The following MYT1 variants were observed in gnomAD, a reference collection of about 807,000 sequenced individuals.
MYT1 encodes the protein myelin transcription factor 1.
MYT1 carries 23 observed loss-of-function variants against 123.0 expected under a neutral mutation model. The observed-to-expected ratio is 0.19, with a 90% CI of 0.13 to 0.26. MYT1 has a LOEUF of 0.26. Ranked by LOEUF, MYT1 falls within the 10% of genes least tolerant of loss-of-function variation. The pLI, the probability that MYT1 is intolerant of heterozygous loss-of-function variation, is 1.00. For missense variants in MYT1, 1,125 were observed against 1,472.5 expected, an observed-to-expected ratio of 0.76 and a Z score of 3.86; for synonymous variants, 518 against 575.3, an observed-to-expected ratio of 0.90 and a Z score of 1.43.
Position 64,193,052 on chromosome 20 carries a change from C to T in MYT1, c.-1+2892C>T, listed in dbSNP as rs1255619871. Among the ~76,000 whole-genome samples the T allele has an allele frequency of 2.0e-5, 3 of 152,308 alleles. No homozygotes were observed. Among genetic ancestry groups the T allele is most frequent in the Admixed American group, 6.5e-5 (1 of 15,302 alleles). The stretch of plus-strand genomic sequence containing the variant: ...CTCAGACATGTGTTAAATAATGCCC[C>T]ATGGAGGTGTCCTTTCTATACCCCA... On this transcript the variant is annotated intron_variant, in intron 2 of 22. Coordinates refer to ENST00000328439, the MANE Select transcript of MYT1 (RefSeq NM_004535.3). This position sits in a 1 kb window ranked among gnomAD's most constrained non-coding sequence, Gnocchi z 4.0.
chr20:64,198,227 C>T (rs1983185191), intron 2 of MYT1, among the ~76,000 whole-genome samples: 1 of 138,132 alleles, frequency 7.2e-6, no homozygotes, highest in African/African-American at 2.8e-5. Flanking sequence ...GCGGAGCTTG[C>T]AGTGAGCCGA....
chr20:64,221,711 G>C (rs562043651), intron 13 of MYT1, among the ~76,000 whole-genome samples, 182 bp from the exon 14 acceptor site: 2 of 152,166 alleles, frequency 1.3e-5, no homozygotes, highest in Non-Finnish European at 2.9e-5. Flanking sequence ...CCCCTCAGGG[G>C]TGTTGTCTTC....
chr20:64,198,886 C>T lies in MYT1; in HGVS notation c.25C>T (p.Arg9Ter). The change falls in exon 3 of 23, where the codon CGA becomes TGA. Residue 9 changes from arginine (R) to a stop codon, truncating the protein, a stop_gained. Transcript: ENST00000328439. LOFTEE classifies it high-confidence loss of function. Reference protein sequence around the residue: MSLENEDKRARTRSKALRG... With the variant: MSLENEDK ...GATGAGCTTAGAAAATGAAGACAAG[C>T]GAGCTCGCACCCGATCCAAGGCCCT... 1 of 1,614,128 alleles carries T rather than the reference C, an allele frequency of 6.2e-7. No individual in the cohort carries two copies. The highest frequency in any genetic ancestry group is 8.5e-7 in the Non-Finnish European group (1 of 1,180,014).
rs370145799 is a variant in MYT1, at chr20:64,168,930, A to G, written c.-99+4191A>G. On this transcript the variant is annotated intron_variant, in intron 1 of 22. Coordinates refer to ENST00000328439, the MANE Select transcript of MYT1 (RefSeq NM_004535.3). The surrounding 1 kb of genome is among the most constrained non-coding windows in gnomAD (Gnocchi z 6.1). ...GCTGACAGATGAGCCTGCTGGCCCC[A>G]CCTCTCTCTCACGCCTGGCTTCACA... 1.3e-4 allele frequency among the ~76,000 whole-genome samples: 20 copies of G among 151,812 alleles called. No individual in the cohort carries two copies. The highest frequency in any genetic ancestry group is 4.6e-4 in the African/African-American group (19 of 41,294).
At chr20:64,215,213 T>C (rs1983801693) in intron 10 of MYT1, among the ~76,000 whole-genome samples, 1 of 152,234 alleles carries the variant, frequency 6.6e-6, no homozygotes, top group South Asian at 2.1e-4. Context: ...GGCCCCCGTG[T>C]GAGGCCAGGC....
intron 19 of MYT1, among the ~76,000 whole-genome samples, chr20:64,235,972 ATGGCCGCGGTGGGTGACCCTGGGC>A (rs1568722909): frequency 1.7e-5 from 1 of 60,568 alleles, no homozygotes; most frequent in Non-Finnish European, 3.3e-5. Context: ...TGACCCTGGG[ATGGCCGCGGTGGGTGACCCTGGGC>A]TGGCCGCGGT....
At chr20:64,184,490 C>T (rs1050521554) in intron 1 of MYT1, among the ~76,000 whole-genome samples, 7 of 152,042 alleles carry the variant, frequency 4.6e-5, no homozygotes, top group African/African-American at 1.5e-4. Context: ...ATCCATATGC[C>T]CGTCCTGATG....
chr20:64,238,209 T>G (rs1016246193), intron 21 of MYT1, among the ~76,000 whole-genome samples: 19 of 152,128 alleles, frequency 1.2e-4, no homozygotes, highest in African/African-American at 4.3e-4. Flanking sequence ...GAGACATAAC[T>G]GTGCCCCTAA....
At position 64,202,612 on chromosome 20, in the gene MYT1, G is replaced by GAAGGCAGGT. The variant is rs1199559592; in HGVS notation, c.87-2416_87-2415insGTAAGGCAG. 2.6e-5 allele frequency among the ~76,000 whole-genome samples: 4 copies of GAAGGCAGGT among 152,156 alleles called. No individual in the cohort carries two copies. The highest frequency in any genetic ancestry group is 9.7e-5 in the African/African-American group (4 of 41,438). On this transcript the variant is annotated intron_variant, in intron 4 of 22. Transcript: ENST00000328439. The surrounding 1 kb of genome is among the most constrained non-coding windows in gnomAD (Gnocchi z 5.0). ...CCCCAGGAGAGGGAGGGAAGGCAGG[G>GAAGGCAGGT]AAGGCAGTGTCTTCAAAGGCTAGTA...
rs1057411072 is a variant in MYT1 at position 64,203,992 on chromosome 20, C to T, written c.87-1043C>T. On this transcript the variant is annotated intron_variant, in intron 4 of 22. Transcript: ENST00000328439. This position sits in a 1 kb window ranked among gnomAD's most constrained non-coding sequence, Gnocchi z 5.1. The stretch of plus-strand genomic sequence containing the variant: ...CTTGGCCAGGAAAGCCTCTCTCTTC[C>T]CACAAGGAGCGCAGGCCTGCCCCTC... 8.5e-5 allele frequency among the ~76,000 whole-genome samples: 13 copies of T among 152,232 alleles called. No homozygotes were observed. Among genetic ancestry groups the T allele is most frequent in the African/African-American group, 3.1e-4 (13 of 41,472 alleles).
rs1376334779 is a variant in MYT1 at position 64,202,696 on chromosome 20, C to T, written c.87-2339C>T. On this transcript the variant is annotated intron_variant, in intron 4 of 22. Transcript: ENST00000328439. This position sits in a 1 kb window ranked among gnomAD's most constrained non-coding sequence, Gnocchi z 5.0. ...TCCTCTCCTGACTTGTCTCCTTTGACGCCTACTTTTCAAGTTTGGGTCCCT... is the reference window on the plus strand; with the variant it reads ...TCCTCTCCTGACTTGTCTCCTTTGATGCCTACTTTTCAAGTTTGGGTCCCT... Among the ~76,000 whole-genome samples the T allele has an allele frequency of 3.9e-5, 6 of 152,162 alleles. No individual in the cohort carries two copies. The highest frequency in any genetic ancestry group is 1.3e-4 in the Admixed American group (2 of 15,278).
At chr20:64,201,414 G>A (rs888409127) in intron 4 of MYT1, among the ~76,000 whole-genome samples, 9 of 152,324 alleles carry the variant, frequency 5.9e-5, no homozygotes, top group Admixed American at 2.0e-4. Flanking sequence ...TAGGGGAAAT[G>A]TGTTGACATC....
Position 64,193,371 on chromosome 20 carries a change from A to G in MYT1, c.-1+3211A>G, listed in dbSNP as rs990912542. Among the ~76,000 whole-genome samples the G allele has an allele frequency of 6.6e-6, 1 of 152,194 alleles. No individual in the cohort carries two copies. The highest frequency in any genetic ancestry group is 2.4e-5 in the African/African-American group (1 of 41,446). ...GGAAGGGGAGGGCTGTGGATGCAGC[A>G]GAAGATCCTCCTGGGATACTCGGGA... On this transcript the variant is annotated intron_variant, in intron 2 of 22. Coordinates refer to ENST00000328439, the MANE Select transcript of MYT1 (RefSeq NM_004535.3). This position sits in a 1 kb window ranked among gnomAD's most constrained non-coding sequence, Gnocchi z 4.0.
Position 64,213,595 on chromosome 20 carries a change from C to A in MYT1, c.1579C>A (p.Pro527Thr). 6.2e-7 allele frequency: 1 copy of A among 1,614,162 alleles called. No homozygotes were observed. The change falls in exon 10 of 23, where the codon CCG (proline) becomes ACG (threonine). Residue 527 changes from proline (P) to threonine (T), a missense_variant. Pro to Thr is a conservative substitution (Grantham distance 38). Transcript: ENST00000328439. This position sits in a 1 kb window ranked among gnomAD's most constrained non-coding sequence, Gnocchi z 5.6. Reference sequence around the variant, plus strand: ...AGCCAAATCCCATGAGAAGCAGCAGCCGCAGACAGGAGATCCTTCCAAGAG... The same window carrying A: ...AGCCAAATCCCATGAGAAGCAGCAGACGCAGACAGGAGATCCTTCCAAGAG... The part of the protein sequence containing the change: ...KLAKSHEKQQ[P>T]QTGDPSKSSS...
chr20:64,177,380 GA>G lies in MYT1; in HGVS notation c.-99+12652del, dbSNP rs539327635. On this transcript the variant is annotated intron_variant, in intron 1 of 22. Coordinates refer to ENST00000328439, the MANE Select transcript of MYT1 (RefSeq NM_004535.3). ...TTACTTCTCTCTGGATTCCAGAGAG[GA>G]AAAAAAAAAAGGAAAGAAAAAGAGC... Among the ~76,000 whole-genome samples, 104 of 144,488 alleles carry G rather than the reference GA, an allele frequency of 7.2e-4. 1 individual carries two copies. The highest frequency in any genetic ancestry group is 3.5e-3 in the Middle Eastern group (1 of 282). 94.8% of individuals were successfully genotyped at this position (144,488 alleles called of 152,430 possible). A position where few individuals can be genotyped will look rare whatever the true frequency, so the allele number is the denominator to read the frequency against.
intron 2 of MYT1, among the ~76,000 whole-genome samples, chr20:64,195,417 A>C (rs1983087705): frequency 1.7e-4 from 1 of 5,942 alleles, no homozygotes; most frequent in Non-Finnish European, 3.9e-4. Flanking sequence ...TTTTTTTGAG[A>C]CGGAGTCTCA....
intron 3 of MYT1, 86 bp downstream of exon 3, chr20:64,199,002 A>G: frequency 7.3e-7 from 1 of 1,370,358 alleles, no homozygotes; most frequent in South Asian, 1.2e-5. Flanking sequence ...CTAACCACAC[A>G]TGTGCAGAGA....
At chr20:64,235,474 T>G (rs1177504699) in intron 19 of MYT1, among the ~76,000 whole-genome samples, 3 of 136,042 alleles carry the variant, frequency 2.2e-5, no homozygotes, top group Non-Finnish European at 4.6e-5. Context: ...GACCCTGGAA[T>G]GGTCATGATG....
intron 7 of MYT1, among the ~76,000 whole-genome samples, chr20:64,209,301 G>GCC (rs1983593485): frequency 6.6e-6 from 1 of 152,202 alleles, no homozygotes; most frequent in Non-Finnish European, 1.5e-5. Context: ...TGGGACAGGG[G>GCC]TCTGGGGAGC....
Sources: gnomAD v4.1 joint callset for allele counts (sites outside exome capture counted in the v4.1 genomes callset) on GRCh38, gnomAD v4.1.1 for gene constraint, Gnocchi (gnomAD v3.1) non-coding constraint, MANE v1.5 for transcripts, NCBI Gene and HGNC (gene_info 2026-07-23, HGNC 2026-07-21) for gene names.